PTPN1: variants seen among roughly 807,000 people sequenced by gnomAD.
The protein encoded by PTPN1 is tyrosine-protein phosphatase non-receptor type 1.
In PTPN1, 12 loss-of-function variants were observed where a neutral mutation model predicts 59.9. That is an observed-to-expected ratio of 0.20 (90% CI 0.13 to 0.32). The LOEUF is 0.32. Among genes scored for constraint, PTPN1 ranks in the 10% least tolerant of loss-of-function variants. The probability of loss-of-function intolerance (pLI) is 1.00; values close to 1 mark genes in which losing one functional copy is unlikely to be tolerated. For missense variants in PTPN1, 356 were observed against 549.2 expected (o/e 0.65, Z 3.52); for synonymous variants, 178 against 203.6 (o/e 0.87, Z 1.07).
intron 3 of PTPN1, among the ~76,000 whole-genome samples, chr20:50,567,811 T>G (rs559393227): frequency 1.3e-5 from 2 of 152,376 alleles, no homozygotes; most frequent in East Asian, 3.9e-4. Flanking sequence ...TGCTGATGTT[T>G]CATTGGATGT....
intron 1 of PTPN1, among the ~76,000 whole-genome samples, chr20:50,558,391 A>G (rs1194431124): frequency 6.6e-6 from 1 of 152,238 alleles, no homozygotes; most frequent in Admixed American, 6.5e-5. Flanking sequence ...AATGGTCAAT[A>G]TTTAAAATAC....
At chr20:50,539,789 A>G (rs1286054506) in intron 1 of PTPN1, among the ~76,000 whole-genome samples, 1 of 151,634 alleles carries the variant, frequency 6.6e-6, no homozygotes, top group East Asian at 1.9e-4. Flanking sequence ...TTTAATTCAA[A>G]GTCTCATCAT....
rs567723391 is a variant in PTPN1 at position 50,558,618 on chromosome 20, C to G, written c.64-2745C>G. Reference sequence around the variant, plus strand: ...CTGGGTGGTTGGTCTATAGACTTGCCACTCACAGCTGTCATCTTGAGACTT... The same window carrying G: ...CTGGGTGGTTGGTCTATAGACTTGCGACTCACAGCTGTCATCTTGAGACTT... On this transcript the variant is annotated intron_variant, in intron 1 of 9. Transcript: ENST00000371621. 1.7e-3 allele frequency among the ~76,000 whole-genome samples: 266 copies of G among 152,248 alleles called. 1 individual carries two copies. The highest frequency in any genetic ancestry group is 5.9e-3 in the African/African-American group (247 of 41,542).
At chr20:50,555,915 C>A (rs898954703) in intron 1 of PTPN1, among the ~76,000 whole-genome samples, 1 of 152,128 alleles carries the variant, frequency 6.6e-6, no homozygotes, top group Non-Finnish European at 1.5e-5. Flanking sequence ...TCCAGTCACA[C>A]CAGCTGGACT....
At chr20:50,538,767 TC>T (rs2082635216) in intron 1 of PTPN1, among the ~76,000 whole-genome samples, 1 of 152,338 alleles carries the variant, frequency 6.6e-6, no homozygotes, top group South Asian at 2.1e-4. Flanking sequence ...TTGTTGTGAT[TC>T]CCTTTTGTGA....
chr20:50,531,783 G>C (rs2082602291), intron 1 of PTPN1, among the ~76,000 whole-genome samples: 1 of 152,168 alleles, frequency 6.6e-6, no homozygotes, highest in African/African-American at 2.4e-5. Flanking sequence ...CGCTCTCTGT[G>C]TGTTATTGAG....
At chr20:50,514,762 G>A (rs560383507) in intron 1 of PTPN1, among the ~76,000 whole-genome samples, 3 of 152,286 alleles carry the variant, frequency 2.0e-5, no homozygotes, top group South Asian at 2.1e-4. Context: ...CTGGCAAATC[G>A]GCTGGGCATG....
intron 4 of PTPN1, chr20:50,572,493 C>G (rs1241854913): frequency 6.6e-6 from 1 of 152,130 alleles, no homozygotes; most frequent in African/African-American, 2.4e-5. Context: ...TAGTCTTTAC[C>G]CAGATTACAG....
chr20:50,522,384 G>A (rs971750682), intron 1 of PTPN1, among the ~76,000 whole-genome samples: 5 of 152,304 alleles, frequency 3.3e-5, no homozygotes, highest in South Asian at 2.1e-4. Context: ...AGACGGCTAC[G>A]AAGTAAGGTT....
At chr20:50,539,038 T>C (rs905845956) in intron 1 of PTPN1, among the ~76,000 whole-genome samples, 10 of 146,456 alleles carry the variant, frequency 6.8e-5, no homozygotes, top group Non-Finnish European at 1.2e-4. Context: ...TTTTTTTTTT[T>C]TTTTTTTTTT....
chr20:50,567,814 T>C (rs1442914764), intron 3 of PTPN1, among the ~76,000 whole-genome samples: 2 of 152,350 alleles, frequency 1.3e-5, no homozygotes, highest in East Asian at 1.9e-4. Context: ...TGATGTTTCA[T>C]TGGATGTTGC....
At position 50,561,420 on chromosome 20, in the gene PTPN1, A is replaced by G; in HGVS notation, c.121A>G (p.Lys41Glu). The change falls in exon 2 of 10, where the codon AAA (lysine) becomes GAA (glutamate). Residue 41 changes from lysine to glutamate, a missense_variant. This residue lies in a region of PTPN1 where 194 missense variants were observed against 344.2 expected (regional missense o/e 0.56). Transcript: ENST00000371621. ...TAGAGTGGCCAAGCTTCCTAAGAACAAAAACCGAAATAGGTACAGAGACGT... is the reference window on the plus strand; with the variant it reads ...TAGAGTGGCCAAGCTTCCTAAGAACGAAAACCGAAATAGGTACAGAGACGT... ...PCRVAKLPKN[K>E]NRNRYRDVSP... 6.2e-7 allele frequency: 1 copy of G among 1,612,462 alleles called. No individual in the cohort carries two copies. Among genetic ancestry groups the G allele is most frequent in the Non-Finnish European group, 8.5e-7 (1 of 1,178,720 alleles).
intron 1 of PTPN1, among the ~76,000 whole-genome samples, chr20:50,551,593 C>T (rs1189667685): frequency 6.8e-6 from 1 of 147,394 alleles, no homozygotes; most frequent in Non-Finnish European, 1.5e-5. Context: ...TGATGTGTGG[C>T]GTTTTATTCT....
Position 50,584,022 on chromosome 20 carries a change from C to A in PTPN1, c.*1307C>A, listed in dbSNP as rs953283843. 6.5e-6 allele frequency: 1 copy of A among 152,674 alleles called. No homozygotes were observed. The highest frequency in any genetic ancestry group is 1.5e-5 in the Non-Finnish European group (1 of 68,048). 9.5% of individuals were successfully genotyped at this position (152,674 alleles called of 1,614,324 possible). A position where few individuals can be genotyped will look rare whatever the true frequency, so the allele number is the denominator to read the frequency against. ...GCCGTCTCTGTCCCGGTTCACCTTG[C>A]CGAGAGAGGCGCGTCTGCCCCACCC... On this transcript the variant is annotated 3_prime_UTR_variant, in exon 10 of 10. Coordinates refer to ENST00000371621, the MANE Select transcript of PTPN1 (RefSeq NM_002827.4).
intron 2 of PTPN1, among the ~76,000 whole-genome samples, chr20:50,563,601 C>G (rs1035052577): frequency 1.3e-5 from 2 of 152,176 alleles, no homozygotes; most frequent in Non-Finnish European, 2.9e-5. Context: ...TACTAAGCCT[C>G]CATAATGAGA....
At chr20:50,567,891 A>C (rs1042202387) in intron 3 of PTPN1, among the ~76,000 whole-genome samples, 4 of 152,232 alleles carry the variant, frequency 2.6e-5, no homozygotes, top group Non-Finnish European at 5.9e-5. Context: ...AGTTTTATGA[A>C]TAGGGACTAT....
Position 50,521,889 on chromosome 20 carries a change from CAG to C in PTPN1, c.63+11302_63+11303del, listed in dbSNP as rs1333719893. ...CTTTTGGATGTACATGTGTGCGTTGCAGAGTTTACCACAGTCCCACAGTGGGT... is the reference window on the plus strand; with the variant it reads ...CTTTTGGATGTACATGTGTGCGTTGCAGTTTACCACAGTCCCACAGTGGGT... On this transcript the variant is annotated intron_variant, in intron 1 of 9. Transcript: ENST00000371621. Among the ~76,000 whole-genome samples the C allele has an allele frequency of 2.6e-5, 4 of 152,172 alleles. No individual in the cohort carries two copies. In the East Asian group the frequency reaches 7.7e-4, roughly 29 times the overall value.
chr20:50,569,325 T>G (rs1490079803), intron 4 of PTPN1, among the ~76,000 whole-genome samples: 1 of 152,182 alleles, frequency 6.6e-6, no homozygotes, highest in Non-Finnish European at 1.5e-5. Context: ...AAGTTTTCTG[T>G]TTTTAGTTTC....
intron 1 of PTPN1, among the ~76,000 whole-genome samples, chr20:50,547,535 T>C (rs2082681129): frequency 6.6e-6 from 1 of 152,120 alleles, no homozygotes; most frequent in Non-Finnish European, 1.5e-5. Context: ...GGCTAATTTT[T>C]GTATTTTTAG....
Sources: allele counts gnomAD v4.1 joint callset (sites outside exome capture counted in the v4.1 genomes callset), GRCh38; gene constraint gnomAD v4.1.1; regional missense constraint gnomAD v4.1.1; transcripts MANE v1.5; gene names NCBI Gene and HGNC (gene_info 2026-07-23, HGNC 2026-07-21).